AGBL4: variants seen among roughly 807,000 people sequenced by gnomAD.
AGBL4 encodes cytosolic carboxypeptidase 6.
AGBL4 carries 58 observed loss-of-function variants against 66.4 expected under a neutral mutation model. The ratio of observed to expected loss-of-function variants is 0.87; its 90% CI spans 0.71 to 1.09. The LOEUF (loss-of-function observed/expected upper bound fraction) is 1.09, where lower values mean the gene tolerates loss of function less well. Ranked by LOEUF, AGBL4 falls within the 50% of genes least tolerant of loss-of-function variation. AGBL4 has a pLI of 0.00. For synonymous variants in AGBL4, 234 were observed against 222.9 expected, an observed-to-expected ratio of 1.05 and a Z score of -0.44; for missense variants, 579 against 631.0, an observed-to-expected ratio of 0.92 and a Z score of 0.88.
At chr1:48,727,985 T>C (rs968323075) in intron 6 of AGBL4, 4 of 1,612,240 alleles carry the variant, frequency 2.5e-6, no homozygotes, top group Non-Finnish European at 3.4e-6. Flanking sequence ...CTTTGGAGAG[T>C]CTCTGTGCAA....
chr1:49,277,932 G>A (rs1001201196), intron 3 of AGBL4, among the ~76,000 whole-genome samples: 3 of 151,726 alleles, frequency 2.0e-5, no homozygotes, highest in Non-Finnish European at 2.9e-5. Context: ...TTGATTTTTC[G>A]TTCTATTTTG....
intron 3 of AGBL4, among the ~76,000 whole-genome samples, chr1:49,586,015 A>G (rs1329319419): frequency 6.6e-6 from 1 of 152,184 alleles, no homozygotes; most frequent in Non-Finnish European, 1.5e-5. Context: ...TTCTAAAATA[A>G]TATCTTTGCT....
chr1:49,479,900 G>A (rs528008669), intron 3 of AGBL4, among the ~76,000 whole-genome samples: 88 of 151,540 alleles, frequency 5.8e-4, no homozygotes, highest in Non-Finnish European at 1.0e-3. Context: ...GTAGAGACAG[G>A]GTTTCACTGT....
At chr1:48,877,620 T>G (rs1222994213) in intron 5 of AGBL4, among the ~76,000 whole-genome samples, 3 of 151,836 alleles carry the variant, frequency 2.0e-5, no homozygotes, top group African/African-American at 7.3e-5. Flanking sequence ...AAAATAAGGA[T>G]AGGCAAAATT....
intron 1 of AGBL4, among the ~76,000 whole-genome samples, chr1:50,007,335 C>A (rs1261215481): frequency 6.6e-6 from 1 of 152,064 alleles, no homozygotes; most frequent in African/African-American, 2.4e-5. Context: ...AATCAAAAAA[C>A]AAGTAACAAA....
chr1:49,702,586 G>T (rs879289106), intron 2 of AGBL4, among the ~76,000 whole-genome samples: 2 of 151,966 alleles, frequency 1.3e-5, no homozygotes, highest in East Asian at 3.9e-4. Context: ...ATGAAACCAG[G>T]ATTACCTGGA....
chr1:48,735,918 C>A (rs998283906), intron 6 of AGBL4, among the ~76,000 whole-genome samples: 5 of 152,252 alleles, frequency 3.3e-5, no homozygotes, highest in Middle Eastern at 3.4e-3. Flanking sequence ...AGTTCAGTGA[C>A]CCCCGTCCCC....
chr1:49,379,940 T>C (rs570572047), intron 3 of AGBL4, among the ~76,000 whole-genome samples: 69 of 152,202 alleles, frequency 4.5e-4, no homozygotes, highest in Middle Eastern at 3.4e-3. Flanking sequence ...AAAACTGGCC[T>C]AAGACAGGGA....
At chr1:48,899,423 T>TA (rs1419747904) in intron 5 of AGBL4, among the ~76,000 whole-genome samples, 2 of 145,484 alleles carry the variant, frequency 1.4e-5, no homozygotes, top group Non-Finnish European at 2.9e-5. Context: ...AGTTAATAGT[T>TA]TTTTTTTTTT....
chr1:48,969,147 C>T lies in AGBL4; in HGVS notation c.594+76437G>A, dbSNP rs1027044050. Among the ~76,000 whole-genome samples the T allele has an allele frequency of 1.6e-4, 21 of 134,002 alleles. 1 individual carries two copies. 87.9% of individuals were successfully genotyped at this position (134,002 alleles called of 152,430 possible). A position where few individuals can be genotyped will look rare whatever the true frequency, so the allele number is the denominator to read the frequency against. On this transcript the variant is annotated intron_variant, in intron 5 of 13. Transcript: ENST00000371839. ...AGCATTTTCTCTAATTCTTTTCAAA[C>T]TCTCTCTTTCATTAAATTAGGAACT...
intron 4 of AGBL4, among the ~76,000 whole-genome samples, chr1:49,185,922 T>A (rs1057198116): frequency 7.2e-5 from 11 of 152,076 alleles, no homozygotes; most frequent in Non-Finnish European, 1.6e-4. Context: ...GACCAGCCAA[T>A]TAAAAATGAG....
At chr1:49,345,031 A>G (rs1645611012) in intron 3 of AGBL4, among the ~76,000 whole-genome samples, 1 of 152,206 alleles carries the variant, frequency 6.6e-6, no homozygotes, top group Non-Finnish European at 1.5e-5. Flanking sequence ...TCAAATTCAA[A>G]TTAAGTCTTT....
intron 3 of AGBL4, among the ~76,000 whole-genome samples, chr1:49,247,741 G>C (rs1472755890): frequency 6.6e-6 from 1 of 152,156 alleles, no homozygotes; most frequent in Non-Finnish European, 1.5e-5. Context: ...GAGAAATAAA[G>C]TGAAACATGC....
chr1:49,057,599 T>C (rs1448637128), intron 4 of AGBL4, among the ~76,000 whole-genome samples: 1 of 152,172 alleles, frequency 6.6e-6, no homozygotes, highest in Non-Finnish European at 1.5e-5. Flanking sequence ...TTCCATTCAT[T>C]CCATTCTCCA....
intron 3 of AGBL4, among the ~76,000 whole-genome samples, chr1:49,652,768 C>T (rs1012022321): frequency 6.6e-6 from 1 of 152,158 alleles, no homozygotes; most frequent in African/African-American, 2.4e-5. Flanking sequence ...GGAAGAACCC[C>T]TCTGTGAGAA....
At chr1:49,429,600 C>T (rs1645739050) in intron 3 of AGBL4, among the ~76,000 whole-genome samples, 1 of 152,130 alleles carries the variant, frequency 6.6e-6, no homozygotes, top group Admixed American at 6.6e-5. Context: ...TTACTCATCT[C>T]CCTGCCACTA....
intron 2 of AGBL4, chr1:49,846,329 T>C (rs1173956477): frequency 2.0e-6 from 3 of 1,532,188 alleles, no homozygotes; most frequent in East Asian, 2.3e-5. Context: ...GCCATATGCA[T>C]GCAGGGACTA....
chr1:48,647,595 A>G (rs1645857867), intron 8 of AGBL4: 2 of 453,984 alleles, frequency 4.4e-6, no homozygotes, highest in African/African-American at 2.0e-5. Flanking sequence ...GGAATACACA[A>G]TGACAAGCAC....
chr1:49,151,268 C>CAAA (rs1206937422), intron 4 of AGBL4, among the ~76,000 whole-genome samples: 16 of 126,882 alleles, frequency 1.3e-4, no homozygotes, highest in Admixed American at 4.9e-4. Flanking sequence ...GACTCCGTCT[C>CAAA]AAAAAAAAAA....
Sources: allele counts gnomAD v4.1 joint callset (sites outside exome capture counted in the v4.1 genomes callset), GRCh38; gene constraint gnomAD v4.1.1; transcripts MANE v1.5; gene names NCBI Gene and HGNC (gene_info 2026-07-23, HGNC 2026-07-21).